The following DPY19L3 variants were observed in gnomAD, a reference collection of about 807,000 sequenced individuals.
DPY19L3 encodes dpy-19 like C-mannosyltransferase 3.
In DPY19L3, 51 loss-of-function variants were observed where a neutral mutation model predicts 92.3. That is an observed-to-expected ratio of 0.55 (90% confidence interval 0.44 to 0.70). DPY19L3 has a LOEUF of 0.70. DPY19L3 is among the 30% of genes least tolerant of loss of function. The pLI is 0.00. For missense variants in DPY19L3, 706 were observed against 855.9 expected, an observed-to-expected ratio of 0.82 and a Z score of 2.18; for synonymous variants, 309 against 315.2, an observed-to-expected ratio of 0.98 and a Z score of 0.21.
chr19:32,479,453 A>T (rs1231555258), intron 17 of DPY19L3: 3 of 276,182 alleles, frequency 1.1e-5, no homozygotes, highest in African/African-American at 2.3e-5. Flanking sequence ...ACGGCTCTTC[A>T]TCAGGACCCT....
At chr19:32,439,962 A>G (rs1599627481) in intron 8 of DPY19L3, 52 bp downstream of exon 8, 2 of 1,596,670 alleles carry the variant, frequency 1.3e-6, no homozygotes, top group Non-Finnish European at 1.7e-6. Flanking sequence ...TAGTGTTTTT[A>G]TATCATAGAA....
At chr19:32,476,956 GC>G (rs1340246608) in intron 16 of DPY19L3, among the ~76,000 whole-genome samples, 1 of 151,810 alleles carries the variant, frequency 6.6e-6, no homozygotes, top group East Asian at 1.9e-4. Flanking sequence ...GCTTTTTTAA[GC>G]AAAAACCCTT....
chr19:32,469,795 C>A (rs572280898), intron 16 of DPY19L3, among the ~76,000 whole-genome samples: 3 of 152,190 alleles, frequency 2.0e-5, no homozygotes, highest in Non-Finnish European at 2.9e-5. Flanking sequence ...ATTAACAAAA[C>A]CTGCCTCCCA....
At chr19:32,470,752 G>A (rs1970332293) in intron 16 of DPY19L3, among the ~76,000 whole-genome samples, 2 of 136,254 alleles carry the variant, frequency 1.5e-5, no homozygotes, top group African/African-American at 5.4e-5. Context: ...TCTCCCTGTA[G>A]TGCTTTTGTA....
intron 8 of DPY19L3, among the ~76,000 whole-genome samples, chr19:32,447,409 A>G (rs936676633): frequency 2.6e-5 from 4 of 152,176 alleles, no homozygotes; most frequent in Non-Finnish European, 4.4e-5. Context: ...AACATGAATA[A>G]TAGAATTAAT....
chr19:32,464,069 A>G, intron 14 of DPY19L3, 89 bp downstream of exon 14: 1 of 660,200 alleles, frequency 1.5e-6, no homozygotes, highest in South Asian at 2.8e-5. Context: ...TAGCTGTGAG[A>G]TAAAATGGAT....
At chr19:32,438,895 C>A (rs1969232736) in intron 6 of DPY19L3, 2 of 536,008 alleles carry the variant, frequency 3.7e-6, no homozygotes, top group Non-Finnish European at 6.6e-6. Context: ...AAGGGCATAC[C>A]CATGGACAGA....
At chr19:32,408,933 C>T (rs1968080918) in intron 2 of DPY19L3, among the ~76,000 whole-genome samples, 1 of 151,996 alleles carries the variant, frequency 6.6e-6, no homozygotes, top group Admixed American at 6.6e-5. Flanking sequence ...GCTTTTGTAA[C>T]TAAAGCATGG....
intron 15 of DPY19L3, 119 bp from the exon 16 acceptor site, chr19:32,468,612 A>G (rs974244332): frequency 7.1e-7 from 1 of 1,417,112 alleles, no homozygotes; most frequent in African/African-American, 1.5e-5. Flanking sequence ...ATATTCCAGT[A>G]GCTATGTTTA....
intron 10 of DPY19L3, 81 bp downstream of exon 10, chr19:32,455,121 CTTTTTT>C (rs2061496360): frequency 1.0e-6 from 1 of 978,276 alleles, no homozygotes; most frequent in Non-Finnish European, 1.5e-6. Context: ...CTTTCTTTTT[CTTTTTT>C]AATAAACTAA....
intron 12 of DPY19L3, among the ~76,000 whole-genome samples, chr19:32,461,996 C>T (rs1021855870): frequency 3.2e-4 from 48 of 152,158 alleles, no homozygotes; most frequent in Admixed American, 2.2e-3. Context: ...GATGGTTTCA[C>T]ACCCTTTCTA....
intron 4 of DPY19L3, among the ~76,000 whole-genome samples, chr19:32,434,345 T>C (rs1969067364): frequency 6.6e-6 from 1 of 152,150 alleles, no homozygotes; most frequent in South Asian, 2.1e-4. Flanking sequence ...ATTGTTTTGC[T>C]GTTTGTTGAA....
At chr19:32,420,752 G>T (rs2145429311) in intron 3 of DPY19L3, among the ~76,000 whole-genome samples, 1 of 152,146 alleles carries the variant, frequency 6.6e-6, no homozygotes. Context: ...GGCCTGCCAT[G>T]TGTTTAATAA....
At chr19:32,422,625 GAA>G (rs939766485) in intron 3 of DPY19L3, among the ~76,000 whole-genome samples, 9 of 51,358 alleles carry the variant, frequency 1.8e-4, no homozygotes, top group African/African-American at 8.0e-4. Flanking sequence ...AATAAATCAG[GAA>G]AAACACACAC....
At chr19:32,457,098 G>A (rs1251668128) in intron 10 of DPY19L3, among the ~76,000 whole-genome samples, 2 of 152,180 alleles carry the variant, frequency 1.3e-5, no homozygotes, top group African/African-American at 4.8e-5. Flanking sequence ...CACATTCAGT[G>A]ACCTGTTCTT....
At chr19:32,465,672 T>C (rs1324021038) in intron 15 of DPY19L3, among the ~76,000 whole-genome samples, 2 of 152,182 alleles carry the variant, frequency 1.3e-5, no homozygotes, top group African/African-American at 2.4e-5. Context: ...TATATTTTCA[T>C]GTAGGATTTT....
At position 32,444,988 on chromosome 19, in the gene DPY19L3, G is replaced by T. The variant is rs553453530; in HGVS notation, c.855+5078G>T. On this transcript the variant is annotated intron_variant, in intron 8 of 18. Coordinates refer to ENST00000392250, the MANE Select transcript of DPY19L3 (RefSeq NM_001172774.2). The stretch of plus-strand genomic sequence containing the variant: ...CGTGCCTGAGGTCTCAGATACTTGG[G>T]AGGCTGAAGTGGGAGAAATTGAGGC... Among the ~76,000 whole-genome samples, 53 of 150,558 alleles carry T rather than the reference G, an allele frequency of 3.5e-4. No individual in the cohort carries two copies. In the South Asian group the frequency reaches 4.6e-3, roughly 13 times the overall value.
At chr19:32,436,828 C>G (rs576938392) in intron 5 of DPY19L3, among the ~76,000 whole-genome samples, 1 of 152,198 alleles carries the variant, frequency 6.6e-6, no homozygotes, top group South Asian at 2.1e-4. Context: ...TTCATTTGCT[C>G]TCTGTAATCA....
intron 3 of DPY19L3, among the ~76,000 whole-genome samples, chr19:32,419,270 C>T (rs1968483459): frequency 6.6e-6 from 1 of 151,660 alleles, no homozygotes; most frequent in African/African-American, 2.4e-5. Context: ...GCGCCATTCT[C>T]CTGCCTCAGC....
Sources: gnomAD v4.1 joint callset for allele counts (sites outside exome capture counted in the v4.1 genomes callset) on GRCh38, gnomAD v4.1.1 for gene constraint, MANE v1.5 for transcripts, NCBI Gene and HGNC (gene_info 2026-07-23, HGNC 2026-07-21) for gene names.